Variants in PTPRN2 observed in about 807,000 individuals in gnomAD.
PTPRN2 encodes protein tyrosine phosphatase receptor type N2.
PTPRN2 carries 74 observed loss-of-function variants against 118.8 expected under a neutral mutation model. The ratio of observed to expected loss-of-function variants is 0.62; its 90% confidence interval spans 0.52 to 0.76. The LOEUF (loss-of-function observed/expected upper bound fraction) is 0.76, where lower values mean the gene tolerates loss of function less well. PTPRN2 is among the 30% of genes least tolerant of loss of function. PTPRN2 has a pLI of 0.00. For missense variants in PTPRN2, 1,481 were observed against 1,394.4 expected, an observed-to-expected ratio of 1.06 and a Z score of -0.99; for synonymous variants, 641 against 608.0, an observed-to-expected ratio of 1.05 and a Z score of -0.80.
chr7:158,202,749 A>G (rs1459815167), intron 4 of PTPRN2, among the ~76,000 whole-genome samples: 2 of 152,200 alleles, frequency 1.3e-5, no homozygotes, highest in Non-Finnish European at 2.9e-5. Context: ...GAATGGTAAG[A>G]GCTGTTTTTA....
intron 12 of PTPRN2, among the ~76,000 whole-genome samples, chr7:157,828,858 AC>A (rs1807362230): frequency 6.6e-6 from 1 of 152,220 alleles, no homozygotes; most frequent in Non-Finnish European, 1.5e-5. Flanking sequence ...TATTTGCGTA[AC>A]CCCCTATAAA....
chr7:158,531,772 C>A (rs538763424), intron 1 of PTPRN2, among the ~76,000 whole-genome samples: 1 of 152,160 alleles, frequency 6.6e-6, no homozygotes, highest in Non-Finnish European at 1.5e-5. Flanking sequence ...CGCCCTCACC[C>A]ACCACCTGCC....
rs150955375 is a variant in PTPRN2 at position 158,217,815 on chromosome 7, A to C, written c.278-12542T>G. Among the ~76,000 whole-genome samples, 494 of 152,356 alleles carry C rather than the reference A, an allele frequency of 3.2e-3. 4 individuals are homozygous for C. Among genetic ancestry groups the C allele is most frequent in the African/African-American group, 0.011 (464 of 41,584 alleles). On this transcript the variant is annotated intron_variant, in intron 3 of 22. Coordinates refer to ENST00000389418, the MANE Select transcript of PTPRN2 (RefSeq NM_002847.5). The stretch of plus-strand genomic sequence containing the variant: ...TAATAAAATTGGAAGCATTAACATC[A>C]GAAGAGACCAAGCTGAGAGAAGAAT...
At position 157,813,220 on chromosome 7, in the gene PTPRN2, G is replaced by T. The variant is rs367646006; in HGVS notation, c.1788+85453C>A. Among the ~76,000 whole-genome samples, 2 of 152,180 alleles carry T rather than the reference G, an allele frequency of 1.3e-5. No homozygotes were observed. Among genetic ancestry groups the T allele is most frequent in the African/African-American group, 4.8e-5 (2 of 41,416 alleles). ...GGCAGTGACAGGGCCAGGGCAAGCC[G>T]GTTGGAGAAGTGGAACTTCAGTGGT... On this transcript the variant is annotated intron_variant, in intron 12 of 22. Coordinates refer to ENST00000389418, the MANE Select transcript of PTPRN2 (RefSeq NM_002847.5). The surrounding 1 kb of genome is among the most constrained non-coding windows in gnomAD (Gnocchi z 4.7).
At chr7:158,217,175 C>A (rs768843842) in intron 3 of PTPRN2, among the ~76,000 whole-genome samples, 16 of 152,168 alleles carry the variant, frequency 1.1e-4, no homozygotes, top group Non-Finnish European at 2.2e-4. Context: ...TGCCAGCAAC[C>A]ACCAATGGGG....
At chr7:158,395,966 G>C (rs1219097751) in intron 2 of PTPRN2, among the ~76,000 whole-genome samples, 1 of 152,062 alleles carries the variant, frequency 6.6e-6, no homozygotes, top group Admixed American at 6.5e-5. Flanking sequence ...ACAGAGGTGA[G>C]AGTGGGGCCT....
intron 2 of PTPRN2, among the ~76,000 whole-genome samples, chr7:158,322,695 C>T (rs1457173699): frequency 6.6e-6 from 1 of 152,174 alleles, no homozygotes; most frequent in Non-Finnish European, 1.5e-5. Flanking sequence ...GGACACCAAG[C>T]TGGTCAAGCC....
intron 6 of PTPRN2, among the ~76,000 whole-genome samples, chr7:158,150,651 T>G (rs1352299245): frequency 1.3e-5 from 2 of 152,010 alleles, no homozygotes; most frequent in Non-Finnish European, 2.9e-5. Flanking sequence ...ATTCCACCCT[T>G]GTGAACATAA....
Position 157,832,358 on chromosome 7 carries a change from A to T in PTPRN2, c.1788+66315T>A, listed in dbSNP as rs370256383. ...CTCCTCCGACAGGCGGCACTAATCC[A>T]TGTTGGTCTGTTCAGGAAGGTTGCC... On this transcript the variant is annotated intron_variant, in intron 12 of 22. Transcript: ENST00000389418. 3.9e-5 allele frequency among the ~76,000 whole-genome samples: 6 copies of T among 152,292 alleles called. No homozygotes were observed. The South Asian group carries it at 6.2e-4, about 16-fold the overall frequency.
intron 12 of PTPRN2, chr7:157,855,798 C>G (rs1297688094): frequency 2.0e-5 from 3 of 152,222 alleles, no homozygotes; most frequent in Admixed American, 2.0e-4. Flanking sequence ...CATCTAAAAA[C>G]TAACGCCCTC....
chr7:157,637,809 G>C (rs1804412814), intron 14 of PTPRN2, among the ~76,000 whole-genome samples: 3 of 152,232 alleles, frequency 2.0e-5, no homozygotes, highest in South Asian at 2.1e-4. Context: ...CAAGTAGCAG[G>C]TCTTTTCTTA....
rs1320473337 is a variant in PTPRN2, at chr7:158,341,867, C to T, written c.164-24935G>A. On this transcript the variant is annotated intron_variant, in intron 2 of 22. Transcript: ENST00000389418. Reference sequence around the variant, plus strand: ...ACACTCTCACCATAAGAGTGTGCCCCGCAGGCGTCACTCACACCCACACTC... The same window carrying T: ...ACACTCTCACCATAAGAGTGTGCCCTGCAGGCGTCACTCACACCCACACTC... 2.0e-4 allele frequency among the ~76,000 whole-genome samples: 27 copies of T among 132,050 alleles called. 3 individuals carry two copies. Among genetic ancestry groups the T allele is most frequent in the African/African-American group, 7.3e-4 (24 of 32,796 alleles). 86.6% of individuals were successfully genotyped at this position (132,050 alleles called of 152,430 possible). A position where few individuals can be genotyped will look rare whatever the true frequency, so the allele number is the denominator to read the frequency against.
chr7:158,306,284 T>G (rs1195773848), intron 3 of PTPRN2, among the ~76,000 whole-genome samples: 1 of 152,160 alleles, frequency 6.6e-6, no homozygotes, highest in Non-Finnish European at 1.5e-5. Context: ...ACACGATCCT[T>G]GGAATATGGA....
At chr7:157,680,339 C>T (rs35611046) in intron 13 of PTPRN2, among the ~76,000 whole-genome samples, 62,534 of 152,072 alleles carry the variant, frequency 0.41, 14,063 homozygotes, top group Non-Finnish European at 0.52. Context: ...CGAGAAGACA[C>T]CTTTCCTGAA....
Position 157,779,944 on chromosome 7 carries a change from G to A in PTPRN2, c.1789-97007C>T, listed in dbSNP as rs566297051. ...TCGAGGAATGGAAAACTCTCAGACTGCTGTGTCCACACGGGTTAATAAAAA... is the reference window on the plus strand; with the variant it reads ...TCGAGGAATGGAAAACTCTCAGACTACTGTGTCCACACGGGTTAATAAAAA... On this transcript the variant is annotated intron_variant, in intron 12 of 22. Transcript: ENST00000389418. This position sits in a 1 kb window ranked among gnomAD's most constrained non-coding sequence, Gnocchi z 4.7. Among the ~76,000 whole-genome samples the A allele has an allele frequency of 4.9e-4, 75 of 152,310 alleles. No individual in the cohort carries two copies. Among genetic ancestry groups the A allele is most frequent in the African/African-American group, 1.5e-3 (63 of 41,554 alleles).
chr7:158,253,305 G>C (rs1461906395), intron 3 of PTPRN2, among the ~76,000 whole-genome samples: 1 of 150,876 alleles, frequency 6.6e-6, no homozygotes, highest in Non-Finnish European at 1.5e-5. Flanking sequence ...CTGAGGACTC[G>C]AGGACTGACC....
intron 12 of PTPRN2, among the ~76,000 whole-genome samples, chr7:157,835,193 G>T (rs1366481385): frequency 2.0e-5 from 3 of 152,148 alleles, no homozygotes; most frequent in Non-Finnish European, 4.4e-5. Context: ...TCCTAAGGTG[G>T]CTGGAAGAGA....
At position 157,603,891 on chromosome 7, in the gene PTPRN2, A is replaced by G; in HGVS notation, c.2418+111T>C. On this transcript the variant is annotated intron_variant, in intron 16 of 22. Transcript: ENST00000389418. The surrounding 1 kb of genome is among the most constrained non-coding windows in gnomAD (Gnocchi z 5.4). ...AGAGTCGGCCCTGTCCACCGCAGAG[A>G]CGCTGAGCTGGGTGGGGACGTGATT... 1 of 1,016,228 alleles carries G rather than the reference A, an allele frequency of 9.8e-7. No individual in the cohort carries two copies. The highest frequency in any genetic ancestry group is 1.5e-6 in the Non-Finnish European group (1 of 685,254). The allele number at this position is 1,016,228 out of a possible 1,614,324, so 63.0% of individuals were successfully genotyped here.
chr7:158,170,261 G>C (rs1823417913), intron 5 of PTPRN2, among the ~76,000 whole-genome samples: 1 of 152,172 alleles, frequency 6.6e-6, no homozygotes, highest in African/African-American at 2.4e-5. Flanking sequence ...CTCTTGCAAA[G>C]GCTGTCTCTG....
Sources: allele counts gnomAD v4.1 joint callset (sites outside exome capture counted in the v4.1 genomes callset), GRCh38; gene constraint gnomAD v4.1.1; non-coding constraint Gnocchi (gnomAD v3.1); transcripts MANE v1.5; gene names NCBI Gene and HGNC (gene_info 2026-07-23, HGNC 2026-07-21).